The following TMTC3 variants were observed in gnomAD, a reference collection of about 807,000 sequenced individuals.
TMTC3 encodes transmembrane O-mannosyltransferase targeting cadherins 3.
TMTC3 carries 52 observed loss-of-function variants against 92.2 expected under a neutral mutation model. The observed-to-expected ratio is 0.56, with a 90% CI of 0.45 to 0.71. The LOEUF is 0.71. Among genes scored for constraint, TMTC3 ranks in the 30% least tolerant of loss-of-function variants. TMTC3 has a pLI of 0.00. For synonymous variants in TMTC3, 339 were observed against 363.3 expected, an observed-to-expected ratio of 0.93 and a Z score of 0.76; for missense variants, 896 against 1,057.1, an observed-to-expected ratio of 0.85 and a Z score of 2.11.
At chr12:88,166,658 A>G (rs942608418) in intron 7 of TMTC3, 76 bp downstream of exon 7, 2 of 1,465,146 alleles carry the variant, frequency 1.4e-6, no homozygotes, top group Non-Finnish European at 1.8e-6. Flanking sequence ...TAATTCAGCA[A>G]AAGCATCTTT....
rs960816584 is a variant in TMTC3, at chr12:88,151,335, A to G, written c.190-1956A>G. On this transcript the variant is annotated intron_variant, in intron 2 of 13. Coordinates refer to ENST00000266712, the MANE Select transcript of TMTC3 (RefSeq NM_181783.4). ...ATCTCATTATGATTTTGCCATCCCT[A>G]TATTGAGATTCACATTAACAGGGAA... is the stretch of plus-strand genomic sequence containing the variant. Among the ~76,000 whole-genome samples the G allele has an allele frequency of 2.0e-5, 3 of 152,306 alleles. No homozygotes were observed. In the East Asian group the frequency reaches 5.8e-4, roughly 29 times the overall value.
At chr12:88,152,832 T>G (rs2040959099) in intron 2 of TMTC3, among the ~76,000 whole-genome samples, 1 of 152,206 alleles carries the variant, frequency 6.6e-6, no homozygotes, top group Admixed American at 6.5e-5. Context: ...AGTACCTTTT[T>G]GAGTCATCAC....
At chr12:88,154,780 C>T (rs1207933660) in intron 4 of TMTC3, among the ~76,000 whole-genome samples, 1 of 152,048 alleles carries the variant, frequency 6.6e-6, no homozygotes, top group Non-Finnish European at 1.5e-5. Flanking sequence ...TAAAAGCCTC[C>T]TAGAATATAA....
chr12:88,184,277 C>T (rs1434527153), intron 10 of TMTC3, among the ~76,000 whole-genome samples: 1 of 152,004 alleles, frequency 6.6e-6, no homozygotes, highest in Non-Finnish European at 1.5e-5. Context: ...TTGTCGACCC[C>T]CCAAGTAGAG....
chr12:88,144,408 G>GT (rs374446950), intron 1 of TMTC3, among the ~76,000 whole-genome samples: 113 of 147,078 alleles, frequency 7.7e-4, no homozygotes, highest in South Asian at 1.3e-3. Flanking sequence ...CTTTTCTTCT[G>GT]TTTTTTTTTT....
At chr12:88,184,949 T>G (rs1279754120) in intron 10 of TMTC3, among the ~76,000 whole-genome samples, 1 of 152,178 alleles carries the variant, frequency 6.6e-6, no homozygotes, top group Non-Finnish European at 1.5e-5. Context: ...ACATATACTC[T>G]GGTGTAATTT....
At chr12:88,192,869 A>G (rs960627500) in intron 13 of TMTC3, 39 bp downstream of exon 13, 1 of 1,511,710 alleles carries the variant, frequency 6.6e-7, no homozygotes, top group Non-Finnish European at 8.9e-7. Context: ...TATAAATTGT[A>G]GTTTATAATA....
intron 6 of TMTC3, among the ~76,000 whole-genome samples, chr12:88,164,823 T>C (rs2041125401): frequency 1.3e-5 from 2 of 152,006 alleles, no homozygotes; most frequent in South Asian, 4.2e-4. Context: ...AACCCAAAAC[T>C]GTGTGATATT....
intron 7 of TMTC3, among the ~76,000 whole-genome samples, chr12:88,167,911 C>T (rs1282576692): frequency 2.0e-5 from 3 of 152,138 alleles, no homozygotes; most frequent in Admixed American, 6.6e-5. Flanking sequence ...ATAGAGCAGC[C>T]TTTCTCAACT....
chr12:88,149,789 T>G (rs2040919649), intron 2 of TMTC3, among the ~76,000 whole-genome samples: 2 of 152,198 alleles, frequency 1.3e-5, no homozygotes, highest in African/African-American at 4.8e-5. Flanking sequence ...AAGACTTTAT[T>G]CGCCTTTTTG....
At chr12:88,176,126 A>G in intron 9 of TMTC3, 82 bp from the exon 10 acceptor site, 1 of 897,770 alleles carries the variant, frequency 1.1e-6, no homozygotes, top group Middle Eastern at 3.5e-4. Context: ...TATTTTCTTA[A>G]TAGTATACCA....
At chr12:88,160,544 T>C (rs1237529503) in intron 5 of TMTC3, 135 bp from the exon 6 acceptor site, 5 of 815,114 alleles carry the variant, frequency 6.1e-6, no homozygotes, top group East Asian at 5.3e-5. Context: ...TTATTCATTA[T>C]TAGCTTCACA....
chr12:88,181,509 G>A (rs1015368499), intron 10 of TMTC3, among the ~76,000 whole-genome samples: 3 of 152,004 alleles, frequency 2.0e-5, no homozygotes, highest in East Asian at 3.9e-4. Flanking sequence ...AAGCAGTGAC[G>A]TCATAACTTG....
chr12:88,195,629 C>G lies in TMTC3; in HGVS notation c.2725C>G (p.Arg909Gly). ...AALKRLEEIERILNGE is the reference protein window; with the variant it reads ...AALKRLEEIEGILNGE ...TTTAAAAAGACTAGAAGAGATTGAA[C>G]GTATTTTAAATGGTGAATAACATTA... Residue 909 changes from arginine (R) to glycine (G), a missense_variant, in exon 14 of 14, where the codon CGT becomes GGT. By Grantham distance (125) the Arg-to-Gly change is moderately radical. Transcript: ENST00000266712. 1 of 1,591,056 alleles carries G rather than the reference C, an allele frequency of 6.3e-7. No individual in the cohort carries two copies. Among genetic ancestry groups the G allele is most frequent in the Non-Finnish European group, 8.5e-7 (1 of 1,172,976 alleles).
chr12:88,164,189 CAAAAAA>C (rs1008391943), intron 6 of TMTC3, among the ~76,000 whole-genome samples: 1 of 48,794 alleles, frequency 2.0e-5, no homozygotes, highest in Admixed American at 1.9e-4. Context: ...GACTTTGTCT[CAAAAAA>C]AAAAAAAAAA....
rs1309201357 is a variant in TMTC3, at chr12:88,197,636, GT to G, written c.*1988del. The stretch of plus-strand genomic sequence containing the variant: ...TTTATATAATTCAAATGATAAAAAT[GT>G]ATCAATGTTATCCAATGATTTTTAT... On this transcript the variant is annotated 3_prime_UTR_variant, in exon 14 of 14. Transcript: ENST00000266712. The G allele has an allele frequency of 6.6e-6, 1 of 151,768 alleles. No homozygotes were observed. Among genetic ancestry groups the G allele is most frequent in the Non-Finnish European group, 1.5e-5 (1 of 67,864 alleles). The allele number at this position is 151,768 out of a possible 1,614,324, so 9.4% of individuals were successfully genotyped here.
chr12:88,195,418 A>G lies in TMTC3; in HGVS notation c.2514A>G (p.Gly838=). 6.2e-7 allele frequency: 1 copy of G among 1,613,618 alleles called. No homozygotes were observed. Among genetic ancestry groups the G allele is most frequent in the Non-Finnish European group, 8.5e-7 (1 of 1,179,820 alleles). The change falls in exon 14 of 14, where the codon GGA becomes GGG. Residue 838 remains glycine, a synonymous_variant. Coordinates refer to ENST00000266712, the MANE Select transcript of TMTC3 (RefSeq NM_181783.4). ...FPTSKISSVE[G]KKIPTESVKE... ...CCAGTAAGATTTCAAGTGTGGAAGG[A>G]AAGAAAATTCCAACTGAAAGTGTAA...
At chr12:88,151,209 G>T (rs1047953919) in intron 2 of TMTC3, among the ~76,000 whole-genome samples, 20 of 152,098 alleles carry the variant, frequency 1.3e-4, no homozygotes, top group Non-Finnish European at 2.9e-5. Flanking sequence ...TGATTCTTTG[G>T]TATAGCCGTG....
chr12:88,182,283 C>T (rs1239722660), intron 10 of TMTC3, among the ~76,000 whole-genome samples: 1 of 152,162 alleles, frequency 6.6e-6, no homozygotes, highest in Non-Finnish European at 1.5e-5. Context: ...CTGAATATTG[C>T]AGGTCTGTGC....
Sources: gnomAD v4.1 joint callset for allele counts (sites outside exome capture counted in the v4.1 genomes callset) on GRCh38, gnomAD v4.1.1 for gene constraint, MANE v1.5 for transcripts, NCBI Gene and HGNC (gene_info 2026-07-23, HGNC 2026-07-21) for gene names.